The following SLC13A5 variants were observed in gnomAD, a reference collection of about 807,000 sequenced individuals.
SLC13A5 encodes the protein Na(+)/citrate cotransporter.
A neutral mutation model predicts 56.5 loss-of-function variants in SLC13A5; 25 were observed. The ratio of observed to expected loss-of-function variants is 0.44; its 90% confidence interval spans 0.32 to 0.62. The LOEUF is 0.62. Ranked by LOEUF, SLC13A5 falls within the 20% of genes least tolerant of loss-of-function variation. The pLI is 0.04. For synonymous variants in SLC13A5, 307 were observed against 301.5 expected, an observed-to-expected ratio of 1.02 and a Z score of -0.19; for missense variants, 649 against 737.8, an observed-to-expected ratio of 0.88 and a Z score of 1.39.
At position 6,695,850 on chromosome 17, in the gene SLC13A5, GC is replaced by G. The variant is rs1973546077; in HGVS notation, c.930del (p.Leu312CysfsTer9). The G allele has an allele frequency of 1.2e-6, 2 of 1,614,142 alleles. No homozygotes were observed. Among genetic ancestry groups the G allele is most frequent in the Non-Finnish European group, 1.7e-6 (2 of 1,180,028 alleles). On this transcript the variant is annotated frameshift_variant, in exon 7 of 12. Coordinates refer to ENST00000433363, the MANE Select transcript of SLC13A5 (RefSeq NM_177550.5). LOFTEE classifies it high-confidence loss of function. ...ACGTTGATCTCCGCGAAGGACAAGG[GC>G]CCCAGCTTCCGGTACTCCTCCTGCA... Reference protein sequence around the residue: ...KVLQEEYRKLGPLSFAEINVL... With the variant: ...KVLQEEYRKLXPLSFAEINVL...
rs373010067 is a variant in SLC13A5 at position 6,703,926 on chromosome 17, C to T, written c.499G>A (p.Glu167Lys). 53 of 1,597,488 alleles carry T rather than the reference C, an allele frequency of 3.3e-5. No homozygotes were observed. Among genetic ancestry groups the T allele is most frequent in the Non-Finnish European group, 4.1e-5 (48 of 1,170,624 alleles). ...TTGTCCACCAGCTCCAGGCCGGCCT[C>T]GGTGGCTGCGCTTGTGGCTTCCATC... is the stretch of plus-strand genomic sequence containing the variant. ...QQMEATSAAT[E>K]AGLELVDKGK... The change falls in exon 4 of 12, where the codon GAG (glutamate) becomes AAG (lysine). Residue 167 changes from glutamate to lysine, a missense_variant. By Grantham distance (56) the Glu-to-Lys change is moderately conservative (BLOSUM62 1). Coordinates refer to ENST00000433363, the MANE Select transcript of SLC13A5 (RefSeq NM_177550.5).
intron 6 of SLC13A5, among the ~76,000 whole-genome samples, chr17:6,697,356 A>T (rs1291202212): frequency 6.6e-6 from 1 of 152,184 alleles, no homozygotes; most frequent in Non-Finnish European, 1.5e-5. Context: ...ACACCACAGT[A>T]GCTGCAGACT....
chr17:6,690,562 TTTGGTCAGCA>T (rs1476977747), intron 10 of SLC13A5, among the ~76,000 whole-genome samples: 1 of 152,178 alleles, frequency 6.6e-6, no homozygotes, highest in Non-Finnish European at 1.5e-5. Context: ...TGGTTGGTGC[TTTGGTCAGCA>T]GGAGGGGTAC....
intron 4 of SLC13A5, among the ~76,000 whole-genome samples, chr17:6,703,523 C>A (rs917706360): frequency 6.6e-6 from 1 of 152,138 alleles, no homozygotes; most frequent in Admixed American, 6.5e-5. Flanking sequence ...TTGAGCTGCT[C>A]GAGGAGGTCA....
At position 6,692,111 on chromosome 17, in the gene SLC13A5, G is replaced by A. The variant is rs1597658250; in HGVS notation, c.1275+933C>T. Among the ~76,000 whole-genome samples the A allele has an allele frequency of 6.8e-6, 1 of 147,700 alleles. No individual in the cohort carries two copies. Among genetic ancestry groups the A allele is most frequent in the Non-Finnish European group, 1.5e-5 (1 of 67,310 alleles). On this transcript the variant is annotated intron_variant, in intron 9 of 11. Transcript: ENST00000433363. The surrounding 1 kb of genome is among the most constrained non-coding windows in gnomAD (Gnocchi z 5.5). ...TAGGGACATAATAGGAATGTTGGAT[G>A]GATGGATGGATAGATGGATGGATGG...
rs369607119 is a variant in SLC13A5, at chr17:6,712,351, C to T, written c.102+881G>A. Among the ~76,000 whole-genome samples the T allele has an allele frequency of 7.9e-5, 12 of 152,344 alleles. No individual in the cohort carries two copies. The East Asian group carries it at 1.5e-3, about 20-fold the overall frequency. On this transcript the variant is annotated intron_variant, in intron 1 of 11. Transcript: ENST00000433363. ...GAACGAGGAAGGAGCAGCCAGCAGCCACAAAAGGCTTCAAAGGGCTTGGGC... is the reference window on the plus strand; with the variant it reads ...GAACGAGGAAGGAGCAGCCAGCAGCTACAAAAGGCTTCAAAGGGCTTGGGC...
intron 3 of SLC13A5, chr17:6,704,648 G>T: frequency 4.5e-6 from 1 of 222,564 alleles, no homozygotes; most frequent in South Asian, 7.2e-5. Context: ...CATACACTTT[G>T]ACCCCTCCAT....
intron 10 of SLC13A5, chr17:6,688,210 G>T (rs1322045594): frequency 6.6e-6 from 1 of 152,266 alleles, no homozygotes; most frequent in African/African-American, 2.4e-5. Flanking sequence ...ATGAATGAAT[G>T]ATGTAATTCC....
chr17:6,684,785 C>T lies in SLC13A5; in HGVS notation c.*1422G>A, dbSNP rs1287834605. 3.9e-5 allele frequency: 6 copies of T among 152,186 alleles called. No homozygotes were observed. The highest frequency in any genetic ancestry group is 7.3e-5 in the Non-Finnish European group (5 of 68,046). The allele number at this position is 152,186 out of a possible 1,614,324, so 9.4% of individuals were successfully genotyped here. The stretch of plus-strand genomic sequence containing the variant: ...ACAGTGTGGTCAGGAATCGTCCCAC[C>T]CAAGGAACCAGACACATACTCGGTC... On this transcript the variant is annotated 3_prime_UTR_variant, in exon 12 of 12. Coordinates refer to ENST00000433363, the MANE Select transcript of SLC13A5 (RefSeq NM_177550.5).
At chr17:6,695,975 A>G (rs1973550924) in intron 6 of SLC13A5, 34 bp from the exon 7 acceptor site, 1 of 1,600,992 alleles carries the variant, frequency 6.2e-7, no homozygotes, top group South Asian at 1.1e-5. Context: ...AGGGCAGGGC[A>G]GACTGGTTGG....
chr17:6,703,419 G>C (rs1445754274), intron 4 of SLC13A5, among the ~76,000 whole-genome samples: 3 of 152,240 alleles, frequency 2.0e-5, no homozygotes, highest in Non-Finnish European at 4.4e-5. Flanking sequence ...CGGCAAGGTA[G>C]ATGCTGACTC....
rs774367018 is a variant in SLC13A5 at position 6,703,849 on chromosome 17, G to A, written c.547+29C>T. 7 of 1,507,844 alleles carry A rather than the reference G, an allele frequency of 4.6e-6. No individual in the cohort carries two copies. The Admixed American group carries it at 8.7e-5, about 19-fold the overall frequency. The allele number at this position is 1,507,844 out of a possible 1,614,324, so 93.4% of individuals were successfully genotyped here. On this transcript the variant is annotated intron_variant, in intron 4 of 11. Coordinates refer to ENST00000433363, the MANE Select transcript of SLC13A5 (RefSeq NM_177550.5). ...GAGGGAGGGGAAGGCTGCTGTTGTG[G>A]CCTGGCAGTGCCCTGGCCAGGGGCT...
In SLC13A5 at chr17:6,701,590, A is replaced by G. The variant is rs1414518264; in HGVS notation, c.717-464T>C. On this transcript the variant is annotated intron_variant, in intron 5 of 11. Transcript: ENST00000433363. This position sits in a 1 kb window ranked among gnomAD's most constrained non-coding sequence, Gnocchi z 4.1. Reference sequence around the variant, plus strand: ...CCAGGCATGGTGGCGGGCGCCTGTAATCCCAGCTAATAGGGAGGCTGAAGC... The same window carrying G: ...CCAGGCATGGTGGCGGGCGCCTGTAGTCCCAGCTAATAGGGAGGCTGAAGC... 6.6e-6 allele frequency among the ~76,000 whole-genome samples: 1 copy of G among 152,162 alleles called. No homozygotes were observed. Among genetic ancestry groups the G allele is most frequent in the Non-Finnish European group, 1.5e-5 (1 of 68,014 alleles).
At chr17:6,702,931 C>A in intron 5 of SLC13A5, 39 bp downstream of exon 5, 1 of 1,603,960 alleles carries the variant, frequency 6.2e-7, no homozygotes, top group Non-Finnish European at 8.5e-7. Context: ...GCCCCGGTAC[C>A]CACTTCGTTG....
In SLC13A5 at chr17:6,685,249, G is replaced by A. The variant is rs894640904; in HGVS notation, c.*958C>T. ...GAAATTAACAGCTGTGTCCACTCTGGGCCTCAGGTGAGGGAGGGCCTAGAT... is the reference window on the plus strand; with the variant it reads ...GAAATTAACAGCTGTGTCCACTCTGAGCCTCAGGTGAGGGAGGGCCTAGAT... On this transcript the variant is annotated 3_prime_UTR_variant, in exon 12 of 12. Coordinates refer to ENST00000433363, the MANE Select transcript of SLC13A5 (RefSeq NM_177550.5). The surrounding 1 kb of genome is among the most constrained non-coding windows in gnomAD (Gnocchi z 4.2). 1.3e-5 allele frequency: 2 copies of A among 152,236 alleles called. No individual in the cohort carries two copies. The highest frequency in any genetic ancestry group is 2.9e-5 in the Non-Finnish European group (2 of 68,052). The allele number at this position is 152,236 out of a possible 1,614,324, so 9.4% of individuals were successfully genotyped here. A position where few individuals can be genotyped will look rare whatever the true frequency, so the allele number is the denominator to read the frequency against.
chr17:6,685,980 GC>G lies in SLC13A5; in HGVS notation c.*226del. On this transcript the variant is annotated 3_prime_UTR_variant, in exon 12 of 12. Transcript: ENST00000433363. The surrounding 1 kb of genome is among the most constrained non-coding windows in gnomAD (Gnocchi z 4.2). ...AGGCTTGGGAAAGATGGGTCCAGCA[GC>G]CCACTGAGGGGTTCCCTTCATTTCT... 1.7e-6 allele frequency: 1 copy of G among 596,052 alleles called. No individual in the cohort carries two copies. Among genetic ancestry groups the G allele is most frequent in the Non-Finnish European group, 2.9e-6 (1 of 341,070 alleles). 36.9% of individuals were successfully genotyped at this position (596,052 alleles called of 1,614,324 possible).
rs139776008 is a variant in SLC13A5, at chr17:6,694,769, C to T, written c.1056-572G>A. On this transcript the variant is annotated intron_variant, in intron 7 of 11. Coordinates refer to ENST00000433363, the MANE Select transcript of SLC13A5 (RefSeq NM_177550.5). ...GTGTATTTCAGGACCTCTTCTTGAC[C>T]AGGTTCTCTAGAATTCTGTCTGGGT... Among the ~76,000 whole-genome samples, 304 of 152,286 alleles carry T rather than the reference C, an allele frequency of 2.0e-3. 2 individuals are homozygous for T. Among genetic ancestry groups the T allele is most frequent in the African/African-American group, 7.0e-3 (289 of 41,556 alleles).
At position 6,690,944 on chromosome 17, in the gene SLC13A5, G is replaced by A. The variant is rs1973392455; in HGVS notation, c.1276-4C>T. On this transcript the variant is annotated splice_region_variant and splice_polypyrimidine_tract_variant and intron_variant, in intron 9 of 11. Coordinates refer to ENST00000433363, the MANE Select transcript of SLC13A5 (RefSeq NM_177550.5). ...TCCACACGGACAGCCCCGAGGCCTG[G>A]GAAGCACCAGGAGGGCAGTCATCTC... is the stretch of plus-strand genomic sequence containing the variant. 6.3e-7 allele frequency: 1 copy of A among 1,597,992 alleles called. No individual in the cohort carries two copies. The highest frequency in any genetic ancestry group is 8.5e-7 in the Non-Finnish European group (1 of 1,170,302).
chr17:6,690,316 T>C (rs559445128), intron 10 of SLC13A5, among the ~76,000 whole-genome samples: 1 of 152,126 alleles, frequency 6.6e-6, no homozygotes, highest in South Asian at 2.1e-4. Flanking sequence ...CTTGTGCTGC[T>C]CCATCTTCCC....
Sources: allele counts gnomAD v4.1 joint callset (sites outside exome capture counted in the v4.1 genomes callset), GRCh38; gene constraint gnomAD v4.1.1; non-coding constraint Gnocchi (gnomAD v3.1); transcripts MANE v1.5; gene names NCBI Gene and HGNC (gene_info 2026-07-23, HGNC 2026-07-21).